The following PRR5L variants were observed in gnomAD, a reference collection of about 807,000 sequenced individuals.
PRR5L encodes proline-rich protein 5-like.
PRR5L carries 21 observed loss-of-function variants against 36.4 expected under a neutral mutation model. That is an observed-to-expected ratio of 0.58 (90% CI 0.41 to 0.83). PRR5L has a LOEUF of 0.83. Ranked by LOEUF, PRR5L falls within the 40% of genes least tolerant of loss-of-function variation. The pLI, the probability that PRR5L is intolerant of heterozygous loss-of-function variation, is 0.00. For synonymous variants in PRR5L, 188 were observed against 197.0 expected (o/e 0.95, Z 0.38); for missense variants, 381 against 473.3 (o/e 0.80, Z 1.81).
chr11:36,371,097 C>T (rs1857193553), intron 1 of PRR5L, among the ~76,000 whole-genome samples: 1 of 152,090 alleles, frequency 6.6e-6, no homozygotes, highest in African/African-American at 2.4e-5. Flanking sequence ...GATGATAAAA[C>T]CCAACATACC....
chr11:36,410,580 C>A (rs1858003911), intron 3 of PRR5L, among the ~76,000 whole-genome samples: 2 of 152,236 alleles, frequency 1.3e-5, no homozygotes, highest in South Asian at 4.1e-4. Flanking sequence ...TGTGTGCAGA[C>A]TGCCGAGCAT....
intron 1 of PRR5L, among the ~76,000 whole-genome samples, chr11:36,387,644 G>A (rs372295085): frequency 1.6e-4 from 25 of 152,268 alleles, no homozygotes; most frequent in African/African-American, 4.3e-4. Flanking sequence ...AAAGATCATC[G>A]TGGCCATCAG....
chr11:36,380,470 C>A (rs987265640), intron 1 of PRR5L: 2 of 152,134 alleles, frequency 1.3e-5, no homozygotes, highest in East Asian at 1.9e-4. Flanking sequence ...CTTTGAGGTT[C>A]CAGTCACTCA....
chr11:36,408,735 C>T (rs1857962837), intron 3 of PRR5L, among the ~76,000 whole-genome samples: 1 of 152,168 alleles, frequency 6.6e-6, no homozygotes, highest in Non-Finnish European at 1.5e-5. Context: ...AGCACACTCT[C>T]CCTAAACAGT....
At chr11:36,383,617 C>A (rs952580880) in intron 1 of PRR5L, among the ~76,000 whole-genome samples, 9 of 152,098 alleles carry the variant, frequency 5.9e-5, no homozygotes, top group Non-Finnish European at 1.3e-4. Flanking sequence ...TAATCTTGTT[C>A]ACGTTCTCTG....
chr11:36,417,666 T>C (rs1236187385), intron 3 of PRR5L, among the ~76,000 whole-genome samples: 4 of 152,260 alleles, frequency 2.6e-5, no homozygotes, highest in African/African-American at 9.6e-5. Context: ...CAGGGCTTTT[T>C]CTGCTACAGT....
At position 36,462,348 on chromosome 11, in the gene PRR5L, G is replaced by A. The variant is rs749777257; in HGVS notation, c.719G>A (p.Arg240Gln). 181 of 1,485,506 alleles carry A rather than the reference G, an allele frequency of 1.2e-4. No homozygotes were observed. The highest frequency in any genetic ancestry group is 1.5e-4 in the Non-Finnish European group (170 of 1,117,514). 92.0% of individuals were successfully genotyped at this position (1,485,506 alleles called of 1,614,324 possible). ...GCTGATTTTTCTCTTGCAGCCAGGC[G>A]GCACTCCAGGGTCCGGCCCAAGGTG... ...FSGPTYTLAR[R>Q]HSRVRPKVTV... The change falls in exon 9 of 9, where the codon CGG becomes CAG. Residue 240 changes from arginine (R) to glutamine (Q), a missense_variant. Transcript: ENST00000530639.
intron 1 of PRR5L, among the ~76,000 whole-genome samples, chr11:36,358,379 A>G (rs1298230635): frequency 6.6e-6 from 1 of 152,238 alleles, no homozygotes; most frequent in Admixed American, 6.5e-5. Context: ...CTGACCAGTC[A>G]GTCAGAAGCC....
At chr11:36,404,039 C>T (rs1857856276) in intron 3 of PRR5L, among the ~76,000 whole-genome samples, 1 of 152,164 alleles carries the variant, frequency 6.6e-6, no homozygotes, top group Non-Finnish European at 1.5e-5. Context: ...CTGAAACATC[C>T]ATGGAAATTA....
intron 4 of PRR5L, chr11:36,425,574 G>A (rs541917213): frequency 6.6e-6 from 1 of 152,200 alleles, no homozygotes; most frequent in South Asian, 2.1e-4. Flanking sequence ...TTTAACTATG[G>A]CTGAAACAGT....
intron 1 of PRR5L, among the ~76,000 whole-genome samples, chr11:36,372,975 GT>G (rs1383482010): frequency 2.5e-5 from 2 of 81,072 alleles, no homozygotes; most frequent in Non-Finnish European, 2.6e-5. Flanking sequence ...CTGCCTAATA[GT>G]TGTGTGTGTG....
intron 1 of PRR5L, among the ~76,000 whole-genome samples, chr11:36,384,836 CTTT>C (rs370922452): frequency 1.5e-5 from 2 of 133,532 alleles, no homozygotes; most frequent in Admixed American, 7.5e-5. Flanking sequence ...CCATGCCTGG[CTTT>C]TTTTTTTTTT....
intron 1 of PRR5L, among the ~76,000 whole-genome samples, chr11:36,393,196 T>C (rs1424366317): frequency 2.0e-5 from 3 of 152,170 alleles, no homozygotes; most frequent in African/African-American, 7.2e-5. Context: ...TGTGATCTCA[T>C]TTGTCCATTT....
At chr11:36,408,804 A>T (rs542061416) in intron 3 of PRR5L, among the ~76,000 whole-genome samples, 1 of 152,320 alleles carries the variant, frequency 6.6e-6, no homozygotes, top group South Asian at 2.1e-4. Flanking sequence ...AAAAGTGTGA[A>T]AAAAGCAAGA....
intron 1 of PRR5L, among the ~76,000 whole-genome samples, chr11:36,400,749 C>T (rs1402396112): frequency 6.6e-6 from 1 of 152,214 alleles, no homozygotes; most frequent in Admixed American, 6.5e-5. Flanking sequence ...GCTTAGAAAT[C>T]ATTTTTCTGC....
intron 1 of PRR5L, among the ~76,000 whole-genome samples, chr11:36,395,491 G>A (rs1451389609): frequency 6.6e-6 from 1 of 152,192 alleles, no homozygotes; most frequent in East Asian, 1.9e-4. Context: ...ATATTGGACA[G>A]CACAAATACG....
chr11:36,351,738 TTA>T (rs1856975206), intron 1 of PRR5L, among the ~76,000 whole-genome samples: 1 of 113,552 alleles, frequency 8.8e-6, no homozygotes, highest in Non-Finnish European at 1.7e-5. Flanking sequence ...TTTTATATAT[TTA>T]TATATAATTT....
chr11:36,377,376 G>C lies in PRR5L; in HGVS notation c.-125-23621G>C, dbSNP rs958872719. 1 of 152,236 alleles carries C rather than the reference G, an allele frequency of 6.6e-6. No individual in the cohort carries two copies. The highest frequency in any genetic ancestry group is 2.4e-5 in the African/African-American group (1 of 41,470). 9.4% of individuals were successfully genotyped at this position (152,236 alleles called of 1,614,324 possible). ...TGGGAGTCCGCAGTATCCCCCTTCC[G>C]TTTTATTTCTCCCGCCTGCCTTCCT... On this transcript the variant is annotated intron_variant, in intron 1 of 8. Transcript: ENST00000530639. The surrounding 1 kb of genome is among the most constrained non-coding windows in gnomAD (Gnocchi z 5.1).
rs200753293 is a variant in PRR5L at position 36,462,705 on chromosome 11, G to A, written c.1076G>A (p.Gly359Asp). 1.9e-6 allele frequency: 3 copies of A among 1,590,534 alleles called. No individual in the cohort carries two copies. The highest frequency in any genetic ancestry group is 2.6e-6 in the Non-Finnish European group (3 of 1,168,942). ...GAGGGGGCCAGGGGCAGCCAGGAGGGCTCGGAGCTGAACTGTGCTTCCCTC... is the reference window on the plus strand; with the variant it reads ...GAGGGGGCCAGGGGCAGCCAGGAGGACTCGGAGCTGAACTGTGCTTCCCTC... ...LEEGARGSQE[G>D]SELNCASLS Residue 359 changes from glycine (G) to aspartate (D), a missense_variant, in exon 9 of 9, where the codon GGC becomes GAC. Coordinates refer to ENST00000530639, the MANE Select transcript of PRR5L (RefSeq NM_001160167.2).
Sources: gnomAD v4.1 joint callset for allele counts (sites outside exome capture counted in the v4.1 genomes callset) on GRCh38, gnomAD v4.1.1 for gene constraint, Gnocchi (gnomAD v3.1) non-coding constraint, MANE v1.5 for transcripts, NCBI Gene and HGNC (gene_info 2026-07-23, HGNC 2026-07-21) for gene names.